The following MOB1B variants were observed in gnomAD, a reference collection of about 807,000 sequenced individuals.
MOB1B encodes the protein MOB1 Mps One Binder homolog B.
A neutral mutation model predicts 24.4 loss-of-function variants in MOB1B; 19 were observed. The ratio of observed to expected loss-of-function variants is 0.78; its 90% confidence interval spans 0.54 to 1.14. The LOEUF is 1.14. Ranked by LOEUF, MOB1B falls within the 50% of genes most tolerant of loss-of-function variation. MOB1B has a pLI of 0.00. For missense variants in MOB1B, 243 were observed against 259.6 expected (o/e 0.94, Z 0.44); for synonymous variants, 76 against 82.1 (o/e 0.93, Z 0.40).
At chr4:70,972,183 T>C (rs1578400458) in intron 3 of MOB1B, among the ~76,000 whole-genome samples, 1 of 152,138 alleles carries the variant, frequency 6.6e-6, no homozygotes, top group South Asian at 2.1e-4. Flanking sequence ...TGATGGCTCG[T>C]AGAACTTTGT....
intron 1 of MOB1B, among the ~76,000 whole-genome samples, chr4:70,946,943 T>C (rs922393326): frequency 6.6e-6 from 1 of 152,230 alleles, no homozygotes; most frequent in African/African-American, 2.4e-5. Context: ...ATATTTTTCT[T>C]TCACATTATA....
chr4:70,983,552 TTCTTCAGTTAGAAATA>T lies in MOB1B; in HGVS notation c.*1497_*1512del. On this transcript the variant is annotated 3_prime_UTR_variant, in exon 6 of 6. Coordinates refer to ENST00000309395, the MANE Select transcript of MOB1B (RefSeq NM_173468.4). ...TAGTTTTGTCATTTTCGATAAATCT[TTCTTCAGTTAGAAATA>T]TATATCCTTCCTTCAGTTGAAACAT... The T allele has an allele frequency of 6.6e-6, 1 of 152,444 alleles. No homozygotes were observed. The highest frequency in any genetic ancestry group is 1.5e-5 in the Non-Finnish European group (1 of 68,004). 9.4% of individuals were successfully genotyped at this position (152,444 alleles called of 1,614,324 possible). A position where few individuals can be genotyped will look rare whatever the true frequency, so the allele number is the denominator to read the frequency against.
intron 1 of MOB1B, among the ~76,000 whole-genome samples, chr4:70,902,809 A>C (rs1294176048): frequency 6.6e-6 from 1 of 152,060 alleles, no homozygotes; most frequent in African/African-American, 2.4e-5. Flanking sequence ...CCCCGGGGCC[A>C]GCGCCTGGAT....
upstream of MOB1B, among the ~76,000 whole-genome samples, chr4:70,902,154 C>A (rs946099775): frequency 6.6e-6 from 1 of 152,276 alleles, no homozygotes; most frequent in Admixed American, 6.5e-5. Context: ...CGCTGGGCGT[C>A]GTCCCTAGCA....
chr4:70,915,177 A>G (rs998044935), intron 1 of MOB1B, among the ~76,000 whole-genome samples: 2 of 152,182 alleles, frequency 1.3e-5, no homozygotes, highest in African/African-American at 2.4e-5. Flanking sequence ...TTGTTATGGT[A>G]TGTGTTAGTG....
intron 1 of MOB1B, among the ~76,000 whole-genome samples, chr4:70,916,341 A>G (rs1362788929): frequency 1.3e-5 from 2 of 152,342 alleles, no homozygotes; most frequent in Admixed American, 1.3e-4. Context: ...TCAGTTGAAG[A>G]GAGACCATAT....
intron 1 of MOB1B, among the ~76,000 whole-genome samples, chr4:70,933,186 A>T (rs1736947982): frequency 6.6e-6 from 1 of 152,156 alleles, no homozygotes. Flanking sequence ...AAGCACTTTT[A>T]AACCACCAGA....
At chr4:70,911,160 C>T (rs1277455577) in intron 1 of MOB1B, among the ~76,000 whole-genome samples, 1 of 151,966 alleles carries the variant, frequency 6.6e-6, no homozygotes, top group African/African-American at 2.4e-5. Flanking sequence ...TTCCACCGTG[C>T]GTAGACCAGG....
chr4:70,960,652 A>G (rs1738268044), intron 2 of MOB1B, among the ~76,000 whole-genome samples: 1 of 152,200 alleles, frequency 6.6e-6, no homozygotes, highest in African/African-American at 2.4e-5. Flanking sequence ...TTATGTGATT[A>G]TCCTCCTGGA....
intron 2 of MOB1B, 46 bp downstream of exon 2, chr4:70,959,086 A>G: frequency 6.5e-7 from 1 of 1,539,898 alleles, no homozygotes; most frequent in South Asian, 1.2e-5. Flanking sequence ...TTAGGGTAAT[A>G]GCCTCATTGT....
chr4:70,950,009 CTT>C (rs1449436606), intron 1 of MOB1B, among the ~76,000 whole-genome samples: 1 of 152,072 alleles, frequency 6.6e-6, no homozygotes, highest in Non-Finnish European at 1.5e-5. Flanking sequence ...TAATAACTCT[CTT>C]GGTATAAATT....
At chr4:70,937,169 C>T (rs1737119153) in intron 1 of MOB1B, among the ~76,000 whole-genome samples, 1 of 152,164 alleles carries the variant, frequency 6.6e-6, no homozygotes, top group African/African-American at 2.4e-5. Flanking sequence ...CCTCCTGCCT[C>T]AACTTCCCAA....
chr4:70,926,148 G>A (rs1257484557), intron 1 of MOB1B, among the ~76,000 whole-genome samples: 1 of 151,960 alleles, frequency 6.6e-6, no homozygotes, highest in Non-Finnish European at 1.5e-5. Context: ...ACCATGCCTG[G>A]ATAATTTTTG....
At chr4:70,979,799 G>A (rs1448774871) in intron 5 of MOB1B, among the ~76,000 whole-genome samples, 1 of 152,114 alleles carries the variant, frequency 6.6e-6, no homozygotes, top group African/African-American at 2.4e-5. Flanking sequence ...GAATGTTTCT[G>A]TGCCAGAGGG....
chr4:70,934,908 A>C lies in MOB1B; in HGVS notation c.15-23966A>C, dbSNP rs560684003. On this transcript the variant is annotated intron_variant, in intron 1 of 5. Transcript: ENST00000309395. The stretch of plus-strand genomic sequence containing the variant: ...TTTAAATTCTTTTCTTATAATTAAA[A>C]AAATTATTTTTAATTTTTAAGATTA... Among the ~76,000 whole-genome samples, 284 of 151,856 alleles carry C rather than the reference A, an allele frequency of 1.9e-3. 2 individuals are homozygous for C. The highest frequency in any genetic ancestry group is 6.4e-3 in the African/African-American group (267 of 41,502).
chr4:70,942,169 C>G (rs2148885508), intron 1 of MOB1B, among the ~76,000 whole-genome samples: 1 of 152,120 alleles, frequency 6.6e-6, no homozygotes, highest in African/African-American at 2.4e-5. Context: ...TCCTAAGAAG[C>G]AAACACTCAA....
At chr4:70,942,792 G>T in intron 1 of MOB1B, 4 of 866,966 alleles carry the variant, frequency 4.6e-6, no homozygotes, top group Non-Finnish European at 5.5e-6. Flanking sequence ...CTGAATTCCT[G>T]TATGCAAAAT....
chr4:70,928,012 G>T (rs1009821188), intron 1 of MOB1B, among the ~76,000 whole-genome samples: 1 of 152,088 alleles, frequency 6.6e-6, no homozygotes, highest in African/African-American at 2.4e-5. Flanking sequence ...TGTTATTCTG[G>T]CTGTTATTCT....
intron 2 of MOB1B, among the ~76,000 whole-genome samples, chr4:70,968,152 T>C (rs1214784944): frequency 6.6e-6 from 1 of 151,796 alleles, no homozygotes; most frequent in Non-Finnish European, 1.5e-5. Context: ...GCCCGGCCTA[T>C]GCTCTTTTTA....
Sources: allele counts gnomAD v4.1 joint callset (sites outside exome capture counted in the v4.1 genomes callset), GRCh38; gene constraint gnomAD v4.1.1; transcripts MANE v1.5; gene names NCBI Gene and HGNC (gene_info 2026-07-23, HGNC 2026-07-21).